Variants in PDS5A observed in about 807,000 individuals in gnomAD.
PDS5A encodes sister chromatid cohesion protein PDS5 homolog A.
In PDS5A, 42 loss-of-function variants were observed where a neutral mutation model predicts 167.1. That is an observed-to-expected ratio of 0.25 (90% CI 0.20 to 0.33). The LOEUF is 0.33. Ranked by LOEUF, PDS5A falls within the 10% of genes least tolerant of loss-of-function variation. The pLI, the probability that PDS5A is intolerant of heterozygous loss-of-function variation, is 1.00. For missense variants in PDS5A, 1,033 were observed against 1,605.9 expected (o/e 0.64, Z 6.10); for synonymous variants, 553 against 554.6 (o/e 1.00, Z 0.04).
intron 2 of PDS5A, among the ~76,000 whole-genome samples, chr4:39,942,642 T>A (rs577215411): frequency 6.6e-6 from 1 of 152,186 alleles, no homozygotes; most frequent in South Asian, 2.1e-4. Context: ...TCCAGACTAG[T>A]CCTGGACTCC....
intron 28 of PDS5A, chr4:39,847,641 G>C (rs1717739322): frequency 6.6e-6 from 1 of 151,912 alleles, no homozygotes; most frequent in Non-Finnish European, 1.5e-5. Flanking sequence ...CAATTAGAGA[G>C]CATACTTTTG....
Position 39,849,603 on chromosome 4 carries a change from T to A in PDS5A, c.3136A>T (p.Ser1046Cys), listed in dbSNP as rs773007778. The A allele has an allele frequency of 6.2e-7, 1 of 1,609,524 alleles. No homozygotes were observed. The highest frequency in any genetic ancestry group is 2.2e-5 in the East Asian group (1 of 44,786). Residue 1046 changes from serine (S) to cysteine (C), a missense_variant, in exon 27 of 33, where the codon AGC (serine) becomes TGC (cysteine). Ser to Cys is a moderately radical substitution (Grantham distance 112). This residue lies in a region of PDS5A where 367 missense variants were observed against 686.7 expected (regional missense o/e 0.53). Coordinates refer to ENST00000303538, the MANE Select transcript of PDS5A (RefSeq NM_001100399.2). ...GCCATCTTCTTCATAAAGGCATGGC[T>A]ATTGTTTTCATTCTTTGTCATTAAA... ...EVLMTKNENNSHAFMKKMAEN... is the reference protein window; with the variant it reads ...EVLMTKNENNCHAFMKKMAEN...
intron 2 of PDS5A, among the ~76,000 whole-genome samples, chr4:39,936,360 C>T (rs902971438): frequency 6.6e-6 from 1 of 152,164 alleles, no homozygotes; most frequent in Non-Finnish European, 1.5e-5. Flanking sequence ...CTATAAATTT[C>T]AGGTTTCCTA....
At chr4:39,838,735 G>T (rs1046922782) in intron 31 of PDS5A, among the ~76,000 whole-genome samples, 10 of 151,102 alleles carry the variant, frequency 6.6e-5, no homozygotes, top group African/African-American at 2.4e-4. Context: ...AATAGTAATT[G>T]CAAGCCCGGC....
intron 32 of PDS5A, chr4:39,837,580 C>T (rs1221598043): frequency 2.8e-6 from 1 of 352,508 alleles, no homozygotes; most frequent in African/African-American, 2.1e-5. Context: ...AGGCACTAAG[C>T]AAAAGAAATA....
chr4:39,840,199 GC>G (rs1271722209), intron 31 of PDS5A, among the ~76,000 whole-genome samples: 3 of 152,134 alleles, frequency 2.0e-5, no homozygotes, highest in Non-Finnish European at 2.9e-5. Flanking sequence ...GAGTGGCAGA[GC>G]CAAGAGGCAA....
chr4:39,935,395 G>A (rs1283752012), intron 2 of PDS5A, among the ~76,000 whole-genome samples: 1 of 152,202 alleles, frequency 6.6e-6, no homozygotes, highest in East Asian at 1.9e-4. Context: ...ACCGCGTCTG[G>A]CCTTCCGATG....
chr4:39,825,789 C>T (rs965788775), intron 32 of PDS5A, among the ~76,000 whole-genome samples: 7 of 151,958 alleles, frequency 4.6e-5, no homozygotes, highest in Admixed American at 2.6e-4. Flanking sequence ...TTTGTACAGA[C>T]GGGATCTCAT....
chr4:39,940,795 G>A (rs1290407885), intron 2 of PDS5A, among the ~76,000 whole-genome samples: 3 of 152,222 alleles, frequency 2.0e-5, no homozygotes, highest in African/African-American at 7.2e-5. Flanking sequence ...TGAGTCTACA[G>A]GCATGTGCCA....
chr4:39,955,605 AAAC>A (rs1467673850), intron 2 of PDS5A, among the ~76,000 whole-genome samples: 2 of 151,984 alleles, frequency 1.3e-5, no homozygotes, highest in East Asian at 1.9e-4. Flanking sequence ...TGTCATAAAA[AAAC>A]AACAACAAAA....
chr4:39,955,287 T>C (rs910026412), intron 2 of PDS5A, among the ~76,000 whole-genome samples: 6 of 152,058 alleles, frequency 3.9e-5, no homozygotes, highest in Non-Finnish European at 7.4e-5. Flanking sequence ...AGTGATAATG[T>C]TGTGATGTTG....
At chr4:39,970,139 C>T (rs752652291) in intron 2 of PDS5A, among the ~76,000 whole-genome samples, 36 of 151,706 alleles carry the variant, frequency 2.4e-4, no homozygotes, top group Non-Finnish European at 4.7e-4. Context: ...CGTGAGCCAC[C>T]GCGCCCAGCC....
chr4:39,826,870 T>C (rs1420587072), intron 32 of PDS5A, among the ~76,000 whole-genome samples: 2 of 152,218 alleles, frequency 1.3e-5, no homozygotes, highest in Non-Finnish European at 2.9e-5. Context: ...GAAAGATATA[T>C]TCCCAAACTC....
Position 39,955,014 on chromosome 4 carries a change from A to C in PDS5A, c.138+21426T>G, listed in dbSNP as rs1459215055. On this transcript the variant is annotated intron_variant, in intron 2 of 32. Transcript: ENST00000303538. ...ATGATCATGAAACTGAACGCCAGCC[A>C]GCCTGGGTGACAGAGCGAGACCCTG... 1.3e-5 allele frequency among the ~76,000 whole-genome samples: 2 copies of C among 152,114 alleles called. 1 individual carries two copies.
At position 39,851,289 on chromosome 4, in the gene PDS5A, C is replaced by T. The variant is rs148960441; in HGVS notation, c.3087-1637G>A. Among the ~76,000 whole-genome samples the T allele has an allele frequency of 8.6e-5, 13 of 151,824 alleles. No individual in the cohort carries two copies. The East Asian group carries it at 2.5e-3, about 29-fold the overall frequency. ...AAAATCGTCACCATTATATATAGAA[C>T]CTATTTTTTTTTTTTTTGGTCTGTC... On this transcript the variant is annotated intron_variant, in intron 26 of 32. Transcript: ENST00000303538.
At chr4:39,848,446 A>T (rs1350234585) in intron 28 of PDS5A, 6 of 176,692 alleles carry the variant, frequency 3.4e-5, no homozygotes, top group Non-Finnish European at 7.2e-5. Flanking sequence ...AGATATTAGC[A>T]ATTGTCCATA....
chr4:39,862,593 T>C (rs954793204), intron 25 of PDS5A, among the ~76,000 whole-genome samples: 3 of 152,088 alleles, frequency 2.0e-5, no homozygotes, highest in Non-Finnish European at 4.4e-5. Context: ...CTGGCAAAGC[T>C]AGGAAAAAAT....
At chr4:39,886,701 G>C (rs1243359273) in intron 17 of PDS5A, among the ~76,000 whole-genome samples, 3 of 150,142 alleles carry the variant, frequency 2.0e-5, no homozygotes, top group African/African-American at 7.4e-5. Context: ...CAACAAGAGT[G>C]AAACACCATC....
chr4:39,916,150 G>A (rs1050797779), intron 8 of PDS5A, among the ~76,000 whole-genome samples: 1 of 151,460 alleles, frequency 6.6e-6, no homozygotes, highest in African/African-American at 2.4e-5. Flanking sequence ...GACAAGAAAA[G>A]CCGGGCACTC....
Sources: gnomAD v4.1 joint callset for allele counts (sites outside exome capture counted in the v4.1 genomes callset) on GRCh38, gnomAD v4.1.1 for gene constraint, gnomAD v4.1.1 regional missense constraint, MANE v1.5 for transcripts, NCBI Gene and HGNC (gene_info 2026-07-23, HGNC 2026-07-21) for gene names.